ADAMTS19: variants seen among roughly 807,000 people sequenced by gnomAD.
The protein encoded by ADAMTS19 is ADAM metallopeptidase with thrombospondin type 1 motif 19.
Under a neutral mutation model 153.3 loss-of-function variants are expected in ADAMTS19, and 93 were observed. The ratio of observed to expected loss-of-function variants is 0.61; its 90% CI spans 0.51 to 0.72. The LOEUF is 0.72. Ranked by LOEUF, ADAMTS19 falls within the 30% of genes least tolerant of loss-of-function variation. The pLI, the probability that ADAMTS19 is intolerant of heterozygous loss-of-function variation, is 0.00. For synonymous variants in ADAMTS19, 600 were observed against 556.6 expected (o/e 1.08, Z -1.10); for missense variants, 1,482 against 1,552.1 (o/e 0.95, Z 0.76).
At chr5:129,648,394 A>G (rs1448202352) in intron 12 of ADAMTS19, among the ~76,000 whole-genome samples, 3 of 152,210 alleles carry the variant, frequency 2.0e-5, no homozygotes, top group Non-Finnish European at 4.4e-5. Context: ...TGTGAGCTTT[A>G]AACTCTATTG....
chr5:129,663,918 TTCC>T (rs1221199728), intron 15 of ADAMTS19, among the ~76,000 whole-genome samples: 1 of 152,206 alleles, frequency 6.6e-6, no homozygotes, highest in African/African-American at 2.4e-5. Context: ...TCCCTTACTC[TTCC>T]TTATACACAG....
intron 19 of ADAMTS19, among the ~76,000 whole-genome samples, chr5:129,695,941 C>A (rs1755531561): frequency 2.0e-5 from 3 of 152,124 alleles, no homozygotes; most frequent in Admixed American, 2.0e-4. Flanking sequence ...CATTTTATAG[C>A]AGTTTATAAC....
intron 8 of ADAMTS19, among the ~76,000 whole-genome samples, chr5:129,618,288 G>A (rs1751620516): frequency 6.6e-6 from 1 of 151,832 alleles, no homozygotes; most frequent in Non-Finnish European, 1.5e-5. Flanking sequence ...ATTAATATGT[G>A]TTGCTACAGA....
intron 2 of ADAMTS19, among the ~76,000 whole-genome samples, chr5:129,488,365 A>C (rs1038609032): frequency 6.6e-6 from 1 of 152,088 alleles, no homozygotes; most frequent in African/African-American, 2.4e-5. Context: ...TTTCTTGACT[A>C]AACTTTACAC....
chr5:129,476,098 G>T (rs1026172473), intron 2 of ADAMTS19, among the ~76,000 whole-genome samples: 1 of 151,732 alleles, frequency 6.6e-6, no homozygotes, highest in Non-Finnish European at 1.5e-5. Flanking sequence ...TTATTTGTTT[G>T]CTTGATTTGA....
At chr5:129,460,567 C>T in intron 1 of ADAMTS19, 85 bp downstream of exon 1, 1 of 1,489,160 alleles carries the variant, frequency 6.7e-7, no homozygotes, top group Non-Finnish European at 9.4e-7. Flanking sequence ...GCTGGTGCAA[C>T]CGGTGCGTGG....
chr5:129,687,591 A>G (rs2127135159), intron 18 of ADAMTS19, among the ~76,000 whole-genome samples: 1 of 152,308 alleles, frequency 6.6e-6, no homozygotes, highest in South Asian at 2.1e-4. Context: ...GAGAAATATT[A>G]TCTATTCTTA....
intron 13 of ADAMTS19, among the ~76,000 whole-genome samples, chr5:129,650,479 A>G (rs1753268594): frequency 6.6e-6 from 1 of 152,076 alleles, no homozygotes; most frequent in South Asian, 2.1e-4. Flanking sequence ...TTCCACTACT[A>G]GTGGTGGTGG....
intron 2 of ADAMTS19, among the ~76,000 whole-genome samples, chr5:129,505,447 G>T (rs187978294): frequency 2.8e-4 from 42 of 152,184 alleles, no homozygotes; most frequent in Admixed American, 2.5e-3. Flanking sequence ...TAGTTAACTT[G>T]AATTTGAATA....
At chr5:129,520,714 G>T (rs367849439) in intron 3 of ADAMTS19, among the ~76,000 whole-genome samples, 14 of 152,248 alleles carry the variant, frequency 9.2e-5, no homozygotes, top group Admixed American at 7.2e-4. Context: ...AATTGGAGTA[G>T]ATACCCATGA....
chr5:129,569,316 A>T (rs1184981179), intron 7 of ADAMTS19, among the ~76,000 whole-genome samples: 1 of 152,196 alleles, frequency 6.6e-6, no homozygotes, highest in Non-Finnish European at 1.5e-5. Context: ...ACTTAACAAT[A>T]GAGCTTTAAA....
intron 17 of ADAMTS19, among the ~76,000 whole-genome samples, chr5:129,682,960 C>G (rs952743660): frequency 2.6e-5 from 4 of 151,990 alleles, no homozygotes; most frequent in Non-Finnish European, 4.4e-5. Context: ...TTTCAATTTT[C>G]CTATGGAATG....
At chr5:129,468,919 G>T (rs572939767) in intron 2 of ADAMTS19, among the ~76,000 whole-genome samples, 15 of 152,026 alleles carry the variant, frequency 9.9e-5, no homozygotes, top group Admixed American at 1.3e-4. Context: ...TGAAATTACA[G>T]GTGCCTGCCA....
chr5:129,610,354 T>C (rs918040456), intron 8 of ADAMTS19, among the ~76,000 whole-genome samples: 4 of 152,138 alleles, frequency 2.6e-5, no homozygotes, highest in African/African-American at 4.8e-5. Context: ...GTTTGTTACA[T>C]ATGTATACAT....
chr5:129,536,804 C>T (rs1253111154), intron 6 of ADAMTS19, among the ~76,000 whole-genome samples: 1 of 151,638 alleles, frequency 6.6e-6, no homozygotes, highest in Non-Finnish European at 1.5e-5. Context: ...AGTAAACTAT[C>T]ACAAGGACAA....
intron 7 of ADAMTS19, among the ~76,000 whole-genome samples, chr5:129,591,175 A>C (rs1750114544): frequency 6.6e-6 from 1 of 152,146 alleles, no homozygotes; most frequent in South Asian, 2.1e-4. Context: ...CCCTCTCTCA[A>C]AGCCTTTCCT....
chr5:129,616,895 A>G (rs142818772), intron 8 of ADAMTS19, among the ~76,000 whole-genome samples: 1 of 152,154 alleles, frequency 6.6e-6, no homozygotes, highest in Admixed American at 6.6e-5. Context: ...CAAAAGTGAG[A>G]GTTTTGATCC....
chr5:129,596,240 T>C (rs1750370321), intron 7 of ADAMTS19, among the ~76,000 whole-genome samples: 1 of 152,112 alleles, frequency 6.6e-6, no homozygotes, highest in Non-Finnish European at 1.5e-5. Context: ...ATTTTCCAAG[T>C]TATAACTATT....
intron 21 of ADAMTS19, among the ~76,000 whole-genome samples, chr5:129,711,709 T>C (rs1209187940): frequency 6.6e-6 from 1 of 152,028 alleles, no homozygotes; most frequent in African/African-American, 2.4e-5. Flanking sequence ...AGGCTAGCAT[T>C]TCCAAAATTT....
Sources: gnomAD v4.1 joint callset for allele counts (sites outside exome capture counted in the v4.1 genomes callset) on GRCh38, gnomAD v4.1.1 for gene constraint, MANE v1.5 for transcripts, NCBI Gene and HGNC (gene_info 2026-07-23, HGNC 2026-07-21) for gene names.